Variants in OR10K2 observed in about 807,000 individuals in gnomAD.
OR10K2 encodes olfactory receptor family 10 subfamily K member 2, also known as olfactory receptor 10K2.
For synonymous variants in OR10K2, 169 were observed against 146.4 expected, an observed-to-expected ratio of 1.15 and a Z score of -1.11; for missense variants, 401 against 367.1, an observed-to-expected ratio of 1.09 and a Z score of -0.76.
In OR10K2 at chr1:158,420,420, A is replaced by C; in HGVS notation, c.447T>G (p.Cys149Trp). 6.2e-7 allele frequency: 1 copy of C among 1,613,930 alleles called. No homozygotes were observed. Among genetic ancestry groups the C allele is most frequent in the South Asian group, 1.1e-5 (1 of 91,084 alleles). The change falls in exon 2 of 2, where the codon TGT (cysteine) becomes TGG (tryptophan). Residue 149 changes from cysteine to tryptophan, a missense_variant. Physicochemically the swap from Cys to Trp is radical, Grantham distance 215. Transcript: ENST00000641042. The stretch of plus-strand genomic sequence containing the variant: ...TCTGTGCAACAGTGAAGCCACAGGC[A>C]CAGGCAGCAGCCACTAGTCCCATAC... ...GVCMGLVAAA[C>W]ACGFTVAQII... is the part of the protein sequence containing the mutation.
At chr1:158,425,415 G>T (rs1655233390) in intron 1 of OR10K2, among the ~76,000 whole-genome samples, 2 of 152,048 alleles carry the variant, frequency 1.3e-5, no homozygotes, top group African/African-American at 4.8e-5. Context: ...CCTGCCTTCT[G>T]AAGATATTTG....
chr1:158,419,971 G>C lies in OR10K2; in HGVS notation c.896C>G (p.Ser299Ter). The change falls in exon 2 of 2, where the codon TCA becomes TGA. Residue 299 changes from serine (S) to a stop codon, truncating the protein, a stop_gained. Coordinates refer to ENST00000641042, the MANE Select transcript of OR10K2 (RefSeq NM_001004476.2). LOFTEE classifies it low-confidence loss of function (END_TRUNC). Reference sequence around the variant, plus strand: ...TCTTCTCACAATTTTACAAAGAGCTGATTTGAACTCTTTATTTCTCAAGCT... The same window carrying C: ...TCTTCTCACAATTTTACAAAGAGCTCATTTGAACTCTTTATTTCTCAAGCT... The part of the protein sequence containing the change: ...IYSLRNKEFK[S>*]ALCKIVRRTI... 1 of 1,612,402 alleles carries C rather than the reference G, an allele frequency of 6.2e-7. No individual in the cohort carries two copies. Among genetic ancestry groups the C allele is most frequent in the Non-Finnish European group, 8.5e-7 (1 of 1,178,872 alleles).
At position 158,419,549 on chromosome 1, in the gene OR10K2, G is replaced by C. The variant is rs1283189646; in HGVS notation, c.*379C>G. ...ATAATGCTCAATTGCTTGATCATTT[G>C]TGTTCTGGGAATTTTTTCCTGTATA... On this transcript the variant is annotated 3_prime_UTR_variant, in exon 2 of 2. Coordinates refer to ENST00000641042, the MANE Select transcript of OR10K2 (RefSeq NM_001004476.2). 2.5e-5 allele frequency: 4 copies of C among 163,032 alleles called. No individual in the cohort carries two copies. The South Asian group carries it at 5.1e-4, about 21-fold the overall frequency. 10.1% of individuals were successfully genotyped at this position (163,032 alleles called of 1,614,324 possible). A position where few individuals can be genotyped will look rare whatever the true frequency, so the allele number is the denominator to read the frequency against.
rs754880009 is a variant in OR10K2 at position 158,420,454 on chromosome 1, T to C, written c.413A>G (p.His138Arg). 2.5e-6 allele frequency: 4 copies of C among 1,613,762 alleles called. No homozygotes were observed. The highest frequency in any genetic ancestry group is 4.5e-5 in the East Asian group (2 of 44,860). ...AGCCACTAGTCCCATACACACCCCATGTCCCATTAGCACTGAGTAGCGCAG... is the reference window on the plus strand; with the variant it reads ...AGCCACTAGTCCCATACACACCCCACGTCCCATTAGCACTGAGTAGCGCAG... ...NPLRYSVLMG[H>R]GVCMGLVAAA... The change falls in exon 2 of 2, where the codon CAT (histidine) becomes CGT (arginine). Residue 138 changes from histidine to arginine, a missense_variant. Transcript: ENST00000641042.
At position 158,419,838 on chromosome 1, in the gene OR10K2, C is replaced by G; in HGVS notation, c.*90G>C. 1 of 1,070,484 alleles carries G rather than the reference C, an allele frequency of 9.3e-7. No individual in the cohort carries two copies. The highest frequency in any genetic ancestry group is 1.4e-6 in the Non-Finnish European group (1 of 734,454). 66.3% of individuals were successfully genotyped at this position (1,070,484 alleles called of 1,614,324 possible). ...TGTTGGCCAGGCTGGTCTTGAAGTC[C>G]TGACCTCAGGTGATCCACCTGTCTC... On this transcript the variant is annotated 3_prime_UTR_variant, in exon 2 of 2. Coordinates refer to ENST00000641042, the MANE Select transcript of OR10K2 (RefSeq NM_001004476.2).
At position 158,420,287 on chromosome 1, in the gene OR10K2, A is replaced by G; in HGVS notation, c.580T>C (p.Phe194Leu). The change falls in exon 2 of 2, where the codon TTT (phenylalanine) becomes CTT (leucine). Residue 194 changes from phenylalanine to leucine, a missense_variant. Coordinates refer to ENST00000641042, the MANE Select transcript of OR10K2 (RefSeq NM_001004476.2). Reference sequence around the variant, plus strand: ...AGCATGAAGATGACAATCTGACTAAAGTGGTTATGGTGAGATGCCAGCTTG... The same window carrying G: ...AGCATGAAGATGACAATCTGACTAAGGTGGTTATGGTGAGATGCCAGCTTG... ...VLKLASHHNH[F>L]SQIVIFMLCT... 6.2e-7 allele frequency: 1 copy of G among 1,613,828 alleles called. No homozygotes were observed. Among genetic ancestry groups the G allele is most frequent in the Non-Finnish European group, 8.5e-7 (1 of 1,179,900 alleles).
chr1:158,420,779 T>A lies in OR10K2; in HGVS notation c.88A>T (p.Ile30Phe). The change falls in exon 2 of 2, where the codon ATC becomes TTC. Residue 30 changes from isoleucine to phenylalanine, a missense_variant. Physicochemically the swap from Ile to Phe is conservative, Grantham distance 21. Transcript: ENST00000641042. ...GTGAACAGGTAGAGGAGCAGGAAGA[T>A]AACAAAGAGCAGCTGCTGCAGCCTG... ...LARLQQLLFVIFLLLYLFTLG... is the reference protein window; with the variant it reads ...LARLQQLLFVFFLLLYLFTLG... 2 of 1,613,530 alleles carry A rather than the reference T, an allele frequency of 1.2e-6. No homozygotes were observed. The highest frequency in any genetic ancestry group is 1.7e-6 in the Non-Finnish European group (2 of 1,179,808).
intron 1 of OR10K2, among the ~76,000 whole-genome samples, chr1:158,424,114 A>G (rs1344166890): frequency 6.6e-6 from 1 of 152,044 alleles, no homozygotes; most frequent in Admixed American, 6.6e-5. Flanking sequence ...TAGTATTTGA[A>G]TTTCACCTGT....
rs771298904 is a variant in OR10K2 at position 158,420,691 on chromosome 1, A to C, written c.176T>G (p.Met59Arg). Residue 59 changes from methionine to arginine, a missense_variant, in exon 2 of 2, where the codon ATG becomes AGG. Transcript: ENST00000641042. ...IVLDRALHIP[M>R]YFFLAILSCS... ...AGAGAGGATGGCAAGGAAGAAGTAC[A>C]TGGGGATATGAAGGGCCCTGTCCAG... 30 of 1,613,842 alleles carry C rather than the reference A, an allele frequency of 1.9e-5. No individual in the cohort carries two copies. The highest frequency in any genetic ancestry group is 2.4e-5 in the Non-Finnish European group (28 of 1,179,930).
Position 158,420,580 on chromosome 1 carries a change from C to A in OR10K2, c.287G>T (p.Gly96Val), listed in dbSNP as rs147190355. ...GAAGGAAAACATTTGGATGGCACAG[C>A]CCAGGAAAGAAATGGTCTTCTTCTG... The part of the protein sequence containing the change: ...LSQKKTISFL[G>V]CAIQMFSFLF... The change falls in exon 2 of 2, where the codon GGC becomes GTC. Residue 96 changes from glycine to valine, a missense_variant. Coordinates refer to ENST00000641042, the MANE Select transcript of OR10K2 (RefSeq NM_001004476.2). 11 of 1,613,734 alleles carry A rather than the reference C, an allele frequency of 6.8e-6. No homozygotes were observed. In the African/African-American group the frequency reaches 1.1e-4, roughly 16 times the overall value.
At position 158,420,717 on chromosome 1, in the gene OR10K2, G is replaced by C; in HGVS notation, c.150C>G (p.Val50=). The part of the protein sequence containing the change: ...GTNAIIISTI[V]LDRALHIPMY... ...TGGGGATATGAAGGGCCCTGTCCAG[G>C]ACAATGGTGGAAATGATGATTGCAT... The change falls in exon 2 of 2, where the codon GTC becomes GTG. Residue 50 remains valine, a synonymous_variant. Coordinates refer to ENST00000641042, the MANE Select transcript of OR10K2 (RefSeq NM_001004476.2). 1.2e-6 allele frequency: 2 copies of C among 1,613,778 alleles called. No individual in the cohort carries two copies. The highest frequency in any genetic ancestry group is 8.5e-7 in the Non-Finnish European group (1 of 1,179,818).
intron 1 of OR10K2, among the ~76,000 whole-genome samples, chr1:158,422,412 CTA>C (rs1378303112): frequency 6.6e-6 from 1 of 152,030 alleles, no homozygotes; most frequent in Admixed American, 6.6e-5. Context: ...CCACATAAAA[CTA>C]AGTCTGGCCC....
rs1328875007 is a variant in OR10K2, at chr1:158,418,415, C to G, written c.*1513G>C. 1 of 152,048 alleles carries G rather than the reference C, an allele frequency of 6.6e-6. No homozygotes were observed. Among genetic ancestry groups the G allele is most frequent in the Non-Finnish European group, 1.5e-5 (1 of 68,024 alleles). The allele number at this position is 152,048 out of a possible 1,614,324, so 9.4% of individuals were successfully genotyped here. A position where few individuals can be genotyped will look rare whatever the true frequency, so the allele number is the denominator to read the frequency against. On this transcript the variant is annotated 3_prime_UTR_variant, in exon 2 of 2. Coordinates refer to ENST00000641042, the MANE Select transcript of OR10K2 (RefSeq NM_001004476.2). ...TGAATCAACTTGATATGCTAGAGGC[C>G]TGGGGTGGGCAATATGGCCAAGGAA...
chr1:158,423,227 ATTT>A (rs11306254), intron 1 of OR10K2, among the ~76,000 whole-genome samples: 1 of 136,286 alleles, frequency 7.3e-6, no homozygotes, highest in African/African-American at 2.7e-5. Context: ...TTCGCCCAAT[ATTT>A]TTTTTTTTTT....
rs576068248 is a variant in OR10K2, at chr1:158,418,901, C to G, written c.*1027G>C. 6.6e-6 allele frequency: 1 copy of G among 152,166 alleles called. No individual in the cohort carries two copies. The highest frequency in any genetic ancestry group is 2.4e-5 in the African/African-American group (1 of 41,528). 9.4% of individuals were successfully genotyped at this position (152,166 alleles called of 1,614,324 possible). A position where few individuals can be genotyped will look rare whatever the true frequency, so the allele number is the denominator to read the frequency against. ...TTGATTGTTCCATATGCAAAGCTTT[C>G]CACTTGGTGAATATTTAGTGAAATT... On this transcript the variant is annotated 3_prime_UTR_variant, in exon 2 of 2. Coordinates refer to ENST00000641042, the MANE Select transcript of OR10K2 (RefSeq NM_001004476.2).
chr1:158,418,390 T>C lies in OR10K2; in HGVS notation c.*1538A>G, dbSNP rs1053742032. On this transcript the variant is annotated 3_prime_UTR_variant, in exon 2 of 2. Coordinates refer to ENST00000641042, the MANE Select transcript of OR10K2 (RefSeq NM_001004476.2). ...TTAAACTTAGCTCATTTACTTTTCA[T>C]GAATCAACTTGATATGCTAGAGGCC... 6.6e-6 allele frequency: 1 copy of C among 152,110 alleles called. No homozygotes were observed. Among genetic ancestry groups the C allele is most frequent in the African/African-American group, 2.4e-5 (1 of 41,436 alleles). The allele number at this position is 152,110 out of a possible 1,614,324, so 9.4% of individuals were successfully genotyped here. A position where few individuals can be genotyped will look rare whatever the true frequency, so the allele number is the denominator to read the frequency against.
At chr1:158,423,227 AT>A (rs11306254) in intron 1 of OR10K2, among the ~76,000 whole-genome samples, 10,493 of 136,220 alleles carry the variant, frequency 0.077, 782 homozygotes, top group African/African-American at 0.21. Context: ...TTCGCCCAAT[AT>A]TTTTTTTTTT....
At chr1:158,425,338 G>A (rs1655231519) in intron 1 of OR10K2, among the ~76,000 whole-genome samples, 1 of 152,090 alleles carries the variant, frequency 6.6e-6, no homozygotes, top group Non-Finnish European at 1.5e-5. Context: ...AAGCAACTGA[G>A]TGGATGTGTT....
chr1:158,423,221 C>T (rs1655191734), intron 1 of OR10K2, among the ~76,000 whole-genome samples: 1 of 130,384 alleles, frequency 7.7e-6, no homozygotes, highest in African/African-American at 3.1e-5. Flanking sequence ...TGGTTCTTCG[C>T]CCAATATTTT....
Sources: gnomAD v4.1 joint callset for allele counts (sites outside exome capture counted in the v4.1 genomes callset) on GRCh38, gnomAD v4.1.1 for gene constraint, MANE v1.5 for transcripts, NCBI Gene and HGNC (gene_info 2026-07-23, HGNC 2026-07-21) for gene names.